The following CTNND2 variants were observed in gnomAD, a reference collection of about 807,000 sequenced individuals.
The protein encoded by CTNND2 is catenin delta 2, also known as catenin delta-2.
Under a neutral mutation model 144.4 loss-of-function variants are expected in CTNND2, and 22 were observed. The observed-to-expected ratio is 0.15, with a 90% CI of 0.11 to 0.22. The LOEUF is 0.22. Among genes scored for constraint, CTNND2 ranks in the 10% least tolerant of loss-of-function variants. The probability of loss-of-function intolerance (pLI) is 1.00; values close to 1 mark genes in which losing one functional copy is unlikely to be tolerated. For synonymous variants in CTNND2, 751 were observed against 695.6 expected (o/e 1.08, Z -1.25); for missense variants, 1,353 against 1,618.8 (o/e 0.84, Z 2.82).
At chr5:11,208,800 A>C (rs1738318223) in intron 10 of CTNND2, among the ~76,000 whole-genome samples, 1 of 152,336 alleles carries the variant, frequency 6.6e-6, no homozygotes, top group Admixed American at 6.5e-5. Flanking sequence ...ATTATAAACA[A>C]ACTTAAAGTC....
intron 7 of CTNND2, among the ~76,000 whole-genome samples, chr5:11,367,720 G>A (rs1451584138): frequency 6.6e-6 from 1 of 152,164 alleles, no homozygotes; most frequent in African/African-American, 2.4e-5. Context: ...CAATTATGCT[G>A]GTGCAGAACA....
chr5:11,657,239 T>C (rs972397620), intron 2 of CTNND2, among the ~76,000 whole-genome samples: 7 of 152,162 alleles, frequency 4.6e-5, no homozygotes, highest in African/African-American at 1.7e-4. Flanking sequence ...CTCAGTCACC[T>C]TACTGAACTC....
intron 11 of CTNND2, among the ~76,000 whole-genome samples, chr5:11,162,250 A>C (rs1169322934): frequency 1.3e-5 from 2 of 152,174 alleles, no homozygotes; most frequent in Admixed American, 1.3e-4. Context: ...GCTTTCTATG[A>C]GAATACAGCT....
chr5:11,719,717 A>C (rs903890012), intron 2 of CTNND2, among the ~76,000 whole-genome samples: 2 of 152,092 alleles, frequency 1.3e-5, no homozygotes, highest in Non-Finnish European at 2.9e-5. Context: ...TCATTTAGTT[A>C]AATCTTCACT....
At chr5:11,672,730 C>G (rs112306730) in intron 2 of CTNND2, among the ~76,000 whole-genome samples, 7 of 152,210 alleles carry the variant, frequency 4.6e-5, no homozygotes, top group Admixed American at 3.3e-4. Context: ...TGGGACCCAC[C>G]GAGCCAGGTA....
intron 3 of CTNND2, among the ~76,000 whole-genome samples, chr5:11,422,133 C>T (rs1404709456): frequency 6.6e-6 from 1 of 152,146 alleles, no homozygotes; most frequent in East Asian, 1.9e-4. Flanking sequence ...CACCATATGG[C>T]ATTCAACTTG....
At chr5:11,798,749 G>C (rs923122130) in intron 1 of CTNND2, among the ~76,000 whole-genome samples, 5 of 152,148 alleles carry the variant, frequency 3.3e-5, no homozygotes, top group Non-Finnish European at 7.3e-5. Context: ...CCTGGGGACA[G>C]AGTGAGACTC....
chr5:10,983,693 CT>C (rs1737584141), intron 20 of CTNND2, among the ~76,000 whole-genome samples: 1 of 152,212 alleles, frequency 6.6e-6, no homozygotes, highest in Non-Finnish European at 1.5e-5. Context: ...GAAGGCCCAA[CT>C]TCCACTCTGC....
chr5:11,440,692 T>A (rs1015942901), intron 3 of CTNND2, among the ~76,000 whole-genome samples: 7 of 152,202 alleles, frequency 4.6e-5, no homozygotes, highest in African/African-American at 1.7e-4. Flanking sequence ...TGTTCATTGC[T>A]AGAATAATGC....
intron 3 of CTNND2, among the ~76,000 whole-genome samples, chr5:11,479,641 A>C (rs1461188623): frequency 6.6e-6 from 1 of 152,126 alleles, no homozygotes; most frequent in Non-Finnish European, 1.5e-5. Context: ...TCCCATTTCT[A>C]TGAAACCTGA....
intron 2 of CTNND2, among the ~76,000 whole-genome samples, chr5:11,713,750 A>G (rs566168042): frequency 6.6e-6 from 1 of 152,300 alleles, no homozygotes; most frequent in African/African-American, 2.4e-5. Flanking sequence ...ATAAAATGTA[A>G]CACAGAGCCT....
intron 1 of CTNND2, among the ~76,000 whole-genome samples, chr5:11,873,075 G>A (rs1276385434): frequency 6.6e-6 from 1 of 152,056 alleles, no homozygotes; most frequent in Non-Finnish European, 1.5e-5. Context: ...CTACAGAATG[G>A]GAGAAAATTT....
chr5:11,409,723 A>C (rs1324724857), intron 5 of CTNND2, among the ~76,000 whole-genome samples: 1 of 151,202 alleles, frequency 6.6e-6, no homozygotes, highest in Non-Finnish European at 1.5e-5. Context: ...TTCCAATCCC[A>C]CTCTTTGCAT....
chr5:11,491,175 GATT>G (rs1769346341), intron 3 of CTNND2, among the ~76,000 whole-genome samples: 2 of 152,088 alleles, frequency 1.3e-5, no homozygotes, highest in Non-Finnish European at 1.5e-5. Flanking sequence ...TTATGACACG[GATT>G]ATTATTACCA....
intron 1 of CTNND2, among the ~76,000 whole-genome samples, chr5:11,733,329 T>C (rs1442371926): frequency 6.6e-6 from 1 of 152,016 alleles, no homozygotes; most frequent in Non-Finnish European, 1.5e-5. Flanking sequence ...GTAGATAGTG[T>C]CGGACTGATA....
chr5:11,902,414 T>A (rs576919658), intron 1 of CTNND2, among the ~76,000 whole-genome samples: 1 of 152,194 alleles, frequency 6.6e-6, no homozygotes, highest in Non-Finnish European at 1.5e-5. Flanking sequence ...CACTTCTCCA[T>A]GGGATTTTAG....
At chr5:11,833,132 C>T (rs186988051) in intron 1 of CTNND2, among the ~76,000 whole-genome samples, 245 of 152,208 alleles carry the variant, frequency 1.6e-3, no homozygotes, top group African/African-American at 5.7e-3. Context: ...TATTCCATTC[C>T]TAGGCATTTA....
intron 5 of CTNND2, among the ~76,000 whole-genome samples, chr5:11,406,607 A>C (rs1345880033): frequency 6.6e-6 from 1 of 152,164 alleles, no homozygotes; most frequent in African/African-American, 2.4e-5. Context: ...ATAGCTTTTA[A>C]ATAACCTGAT....
At chr5:11,796,278 T>A (rs560865006) in intron 1 of CTNND2, among the ~76,000 whole-genome samples, 5 of 152,170 alleles carry the variant, frequency 3.3e-5, no homozygotes, top group Non-Finnish European at 7.3e-5. Context: ...TAGGACAAGG[T>A]CATCTTTCAG....
Sources: gnomAD v4.1 joint callset for allele counts (sites outside exome capture counted in the v4.1 genomes callset) on GRCh38, gnomAD v4.1.1 for gene constraint, MANE v1.5 for transcripts, NCBI Gene and HGNC (gene_info 2026-07-23, HGNC 2026-07-21) for gene names.